The following ZNF423 variants were observed in gnomAD, a reference collection of about 807,000 sequenced individuals.
The protein encoded by ZNF423 is zinc finger protein 423.
A neutral mutation model predicts 95.8 loss-of-function variants in ZNF423; 12 were observed. That is an observed-to-expected ratio of 0.13 (90% confidence interval 0.08 to 0.20). The LOEUF is 0.20. ZNF423 is among the 10% of genes least tolerant of loss of function. The pLI, the probability that ZNF423 is intolerant of heterozygous loss-of-function variation, is 1.00. For synonymous variants in ZNF423, 749 were observed against 711.9 expected, an observed-to-expected ratio of 1.05 and a Z score of -0.83; for missense variants, 1,316 against 1,737.1, an observed-to-expected ratio of 0.76 and a Z score of 4.31.
intron 5 of ZNF423, among the ~76,000 whole-genome samples, chr16:49,540,817 C>T (rs1969222869): frequency 6.6e-6 from 1 of 152,190 alleles, no homozygotes; most frequent in African/African-American, 2.4e-5. Context: ...CTATCCTGGC[C>T]TCCATGTGGA....
intron 2 of ZNF423, among the ~76,000 whole-genome samples, chr16:49,774,001 A>G (rs553439164): frequency 5.3e-5 from 8 of 152,138 alleles, no homozygotes; most frequent in Non-Finnish European, 1.2e-4. Flanking sequence ...GCACGAGCTC[A>G]AGGGCAGAAC....
At chr16:49,757,889 C>T (rs2033756780) in intron 2 of ZNF423, among the ~76,000 whole-genome samples, 1 of 152,124 alleles carries the variant, frequency 6.6e-6, no homozygotes, top group African/African-American at 2.4e-5. Flanking sequence ...TTAATCCTCC[C>T]CTGACCCGCC....
chr16:49,518,326 A>C, intron 7 of ZNF423: 1 of 405,290 alleles, frequency 2.5e-6, no homozygotes, highest in Non-Finnish European at 4.8e-6. Flanking sequence ...ACTGTTTCTG[A>C]ATGTGTCCAG....
chr16:49,576,415 C>A (rs1201565192), intron 5 of ZNF423, among the ~76,000 whole-genome samples: 2 of 152,196 alleles, frequency 1.3e-5, no homozygotes, highest in Non-Finnish European at 2.9e-5. Context: ...GTGCCCTGAA[C>A]CTTGACAGAG....
At chr16:49,497,068 A>G (rs919527042) in intron 7 of ZNF423, among the ~76,000 whole-genome samples, 1 of 152,078 alleles carries the variant, frequency 6.6e-6, no homozygotes, top group South Asian at 2.1e-4. Context: ...CCTGGCTAGA[A>G]CCCCTGTACC....
At chr16:49,562,508 A>G (rs952853726) in intron 5 of ZNF423, among the ~76,000 whole-genome samples, 1 of 152,224 alleles carries the variant, frequency 6.6e-6, no homozygotes, top group Non-Finnish European at 1.5e-5. Context: ...AGAAGCCAGG[A>G]AAGTATTTGT....
chr16:49,725,786 G>A (rs1405511144), intron 3 of ZNF423, among the ~76,000 whole-genome samples: 1 of 152,188 alleles, frequency 6.6e-6, no homozygotes, highest in Admixed American at 6.5e-5. Context: ...GGCAACACCT[G>A]CTCACACATT....
chr16:49,682,553 A>G (rs1260201638), intron 3 of ZNF423, among the ~76,000 whole-genome samples: 1 of 152,224 alleles, frequency 6.6e-6, no homozygotes, highest in Non-Finnish European at 1.5e-5. Flanking sequence ...GAGGCCTTGC[A>G]TCTGGCCTGA....
chr16:49,517,150 C>T (rs936492540), intron 7 of ZNF423, among the ~76,000 whole-genome samples: 3 of 152,180 alleles, frequency 2.0e-5, no homozygotes, highest in Admixed American at 6.5e-5. Flanking sequence ...TTAAGTGACA[C>T]TTGGCTCCGG....
intron 1 of ZNF423, among the ~76,000 whole-genome samples, chr16:49,799,116 G>A (rs1250702387): frequency 3.3e-5 from 5 of 152,158 alleles, no homozygotes; most frequent in African/African-American, 1.2e-4. Context: ...GTGATCACTT[G>A]CAGGCCATCA....
intron 5 of ZNF423, among the ~76,000 whole-genome samples, chr16:49,620,325 A>G (rs1186133947): frequency 6.6e-6 from 1 of 152,150 alleles, no homozygotes; most frequent in East Asian, 1.9e-4. Context: ...GGCTGGGGAC[A>G]AGAGGACACA....
chr16:49,697,324 C>T (rs970276653), intron 3 of ZNF423, among the ~76,000 whole-genome samples: 2 of 152,134 alleles, frequency 1.3e-5, no homozygotes, highest in African/African-American at 2.4e-5. Flanking sequence ...GCCAGGAATC[C>T]TGTGCAAGGG....
intron 2 of ZNF423, among the ~76,000 whole-genome samples, chr16:49,781,247 A>T (rs1275695687): frequency 1.3e-5 from 2 of 152,230 alleles, no homozygotes; most frequent in Non-Finnish European, 2.9e-5. Context: ...ACCCACACGA[A>T]GATGTTCATC....
chr16:49,769,824 C>T (rs2034000110), intron 2 of ZNF423, among the ~76,000 whole-genome samples: 2 of 151,522 alleles, frequency 1.3e-5, no homozygotes, highest in African/African-American at 2.4e-5. Context: ...CTGCCTGGCA[C>T]TTGCTCTCCT....
At chr16:49,628,013 T>C (rs1160858263) in intron 4 of ZNF423, among the ~76,000 whole-genome samples, 1 of 148,348 alleles carries the variant, frequency 6.7e-6, no homozygotes, top group African/African-American at 2.5e-5. Context: ...TCCATCCATC[T>C]ACATACATAC....
chr16:49,677,034 A>C (rs1567283641), intron 3 of ZNF423, among the ~76,000 whole-genome samples: 3 of 151,722 alleles, frequency 2.0e-5, no homozygotes, highest in Admixed American at 1.3e-4. Flanking sequence ...CCTGGCCAAC[A>C]TGGTGAAACC....
intron 7 of ZNF423, among the ~76,000 whole-genome samples, chr16:49,513,861 T>C (rs997309621): frequency 3.3e-5 from 5 of 152,080 alleles, no homozygotes; most frequent in Admixed American, 3.3e-4. Context: ...GGAGCTGGGC[T>C]GATGCATTAA....
intron 2 of ZNF423, among the ~76,000 whole-genome samples, chr16:49,789,062 G>C (rs1381904652): frequency 1.3e-5 from 2 of 152,224 alleles, no homozygotes; most frequent in African/African-American, 4.8e-5. Context: ...GCTCAGCTCT[G>C]CCAGCCCTGA....
At chr16:49,778,994 T>C (rs1408106163) in intron 2 of ZNF423, among the ~76,000 whole-genome samples, 2 of 152,206 alleles carry the variant, frequency 1.3e-5, no homozygotes, top group African/African-American at 2.4e-5. Context: ...TTACTCCATA[T>C]TGAACAGCTA....
Sources: gnomAD v4.1 joint callset for allele counts (sites outside exome capture counted in the v4.1 genomes callset) on GRCh38, gnomAD v4.1.1 for gene constraint, MANE v1.5 for transcripts, NCBI Gene and HGNC (gene_info 2026-07-23, HGNC 2026-07-21) for gene names.